Variants in EHHADH observed in about 807,000 individuals in gnomAD.
EHHADH encodes the protein peroxisomal bifunctional enzyme.
EHHADH carries 48 observed loss-of-function variants against 64.4 expected under a neutral mutation model. The observed-to-expected ratio is 0.75, with a 90% CI of 0.59 to 0.95. The LOEUF (loss-of-function observed/expected upper bound fraction) is 0.95, where lower values mean the gene tolerates loss of function less well. EHHADH is among the 40% of genes least tolerant of loss of function. The probability of loss-of-function intolerance (pLI) is 0.00; values close to 1 mark genes in which losing one functional copy is unlikely to be tolerated. For synonymous variants in EHHADH, 308 were observed against 326.7 expected (o/e 0.94, Z 0.62); for missense variants, 854 against 876.6 (o/e 0.97, Z 0.33).
intron 5 of EHHADH, among the ~76,000 whole-genome samples, chr3:185,213,895 GAAAA>G (rs1471957767): frequency 1.4e-5 from 2 of 143,266 alleles, no homozygotes; most frequent in African/African-American, 5.4e-5. Flanking sequence ...AAAAAAAAAA[GAAAA>G]AAAGAAAGAG....
At chr3:185,230,667 T>C (rs1231616100) in intron 3 of EHHADH, among the ~76,000 whole-genome samples, 1 of 101,412 alleles carries the variant, frequency 9.9e-6, no homozygotes, top group African/African-American at 4.0e-5. Flanking sequence ...CGTATGATTC[T>C]GTTTATATGA....
intron 6 of EHHADH, among the ~76,000 whole-genome samples, chr3:185,202,392 C>G (rs1718255390): frequency 6.6e-6 from 1 of 150,724 alleles, no homozygotes; most frequent in South Asian, 2.1e-4. Flanking sequence ...TCAACAGAGT[C>G]AGAGCTGAAA....
At chr3:185,217,370 C>T (rs1339540186) in intron 5 of EHHADH, among the ~76,000 whole-genome samples, 1 of 151,870 alleles carries the variant, frequency 6.6e-6, no homozygotes, top group Non-Finnish European at 1.5e-5. Flanking sequence ...CATAGTGAAA[C>T]CCCGTCTCTA....
intron 6 of EHHADH, among the ~76,000 whole-genome samples, chr3:185,202,366 G>A (rs936544236): frequency 1.3e-5 from 2 of 149,708 alleles, no homozygotes; most frequent in East Asian, 1.9e-4. Flanking sequence ...AATCCCAAGC[G>A]AATCAAGGGT....
rs3732933 is a variant in EHHADH, at chr3:185,193,363, T to C, written c.1035A>G (p.Glu345=). The C allele has an allele frequency of 0.082, 132,124 of 1,614,088 alleles. 5,761 individuals carry two copies. The highest frequency in any genetic ancestry group is 0.12 in the South Asian group (11,366 of 91,052). The change falls in exon 7 of 7, where the codon GAA becomes GAG. Residue 345 remains glutamate (E), a synonymous_variant. Transcript: ENST00000231887. ...TCTGTTGCATTTTGGAGGCTTCTTT[T>C]TCCAAGACAGAGGTTATCATCTTGT... The part of the protein sequence containing the change: ...TANKMITSVL[E]KEASKMQQSG...
intron 3 of EHHADH, among the ~76,000 whole-genome samples, chr3:185,233,203 A>G (rs1382425289): frequency 6.6e-6 from 1 of 152,230 alleles, no homozygotes; most frequent in Non-Finnish European, 1.5e-5. Context: ...TTGTGACAAT[A>G]ATAGCATAAA....
At chr3:185,224,599 T>C (rs1382672764) in intron 4 of EHHADH, among the ~76,000 whole-genome samples, 1 of 151,890 alleles carries the variant, frequency 6.6e-6, no homozygotes, top group African/African-American at 2.4e-5. Flanking sequence ...GTATTAGTAG[T>C]GTATTACTGC....
intron 2 of EHHADH, among the ~76,000 whole-genome samples, chr3:185,238,868 C>A (rs1410818122): frequency 6.6e-6 from 1 of 152,028 alleles, no homozygotes; most frequent in African/African-American, 2.4e-5. Flanking sequence ...CCTAGGCCAA[C>A]GTCCAAAAGA....
In EHHADH at chr3:185,193,038, TG is replaced by T; in HGVS notation, c.1359del (p.Thr454LeufsTer7). 6.2e-7 allele frequency: 1 copy of T among 1,614,176 alleles called. No homozygotes were observed. The highest frequency in any genetic ancestry group is 8.5e-7 in the Non-Finnish European group (1 of 1,180,024). The stretch of plus-strand genomic sequence containing the variant: ...AAGTTCATAACAGTGGCAATGGTAG[TG>T]GGGGAAGAGTATTGGCTGGGAATAA... The part of the protein sequence containing the change: ...LEVIPSQYSS[P>X]TTIATVMNLS... On this transcript the variant is annotated frameshift_variant, in exon 7 of 7. Coordinates refer to ENST00000231887, the MANE Select transcript of EHHADH (RefSeq NM_001966.4). LOFTEE classifies it high-confidence loss of function.
chr3:185,244,850 G>C (rs1217568727), intron 2 of EHHADH, among the ~76,000 whole-genome samples: 1 of 152,202 alleles, frequency 6.6e-6, no homozygotes, highest in Non-Finnish European at 1.5e-5. Flanking sequence ...AGCAATGAGA[G>C]AATAGATTTC....
intron 6 of EHHADH, among the ~76,000 whole-genome samples, chr3:185,195,772 C>A (rs1718041961): frequency 6.6e-6 from 1 of 152,046 alleles, no homozygotes; most frequent in Non-Finnish European, 1.5e-5. Flanking sequence ...ACTGGGGATT[C>A]CAAAAGGGGG....
intron 6 of EHHADH, among the ~76,000 whole-genome samples, chr3:185,200,904 G>A (rs528166006): frequency 3.9e-4 from 60 of 152,252 alleles, no homozygotes; most frequent in African/African-American, 1.3e-3. Flanking sequence ...TTAGGATTTT[G>A]CGGGGAGCAC....
chr3:185,240,071 A>G (rs781173156), intron 2 of EHHADH, among the ~76,000 whole-genome samples: 57 of 152,172 alleles, frequency 3.7e-4, no homozygotes, highest in Admixed American at 7.9e-4. Flanking sequence ...TATCTGGTGA[A>G]TCACAGTTAC....
intron 6 of EHHADH, among the ~76,000 whole-genome samples, chr3:185,194,985 A>G (rs1718022780): frequency 6.6e-6 from 1 of 152,076 alleles, no homozygotes; most frequent in South Asian, 2.1e-4. Context: ...CAGAGAAAGT[A>G]TAGTCTTTTC....
chr3:185,231,828 G>A (rs1163900866), intron 3 of EHHADH, among the ~76,000 whole-genome samples: 1 of 152,174 alleles, frequency 6.6e-6, no homozygotes, highest in African/African-American at 2.4e-5. Context: ...AGGATACAAG[G>A]TTTCTTTTTG....
chr3:185,199,879 G>A (rs1718176699), intron 6 of EHHADH, among the ~76,000 whole-genome samples: 1 of 152,178 alleles, frequency 6.6e-6, no homozygotes, highest in Non-Finnish European at 1.5e-5. Flanking sequence ...CCTAGTGGCT[G>A]CAACTGAGGC....
At position 185,229,526 on chromosome 3, in the gene EHHADH, T is replaced by C. The variant is rs549406336; in HGVS notation, c.369A>G (p.Pro123=). 2 of 1,570,420 alleles carry C rather than the reference T, an allele frequency of 1.3e-6. No homozygotes were observed. Among genetic ancestry groups the C allele is most frequent in the African/African-American group, 1.3e-5 (1 of 74,328 alleles). The change falls in exon 4 of 7, where the codon CCA becomes CCG. Residue 123 remains proline (P), a synonymous_variant. Coordinates refer to ENST00000231887, the MANE Select transcript of EHHADH (RefSeq NM_001966.4). The part of the protein sequence containing the change: ...IAHAEAQVGL[P]EVTLGLLPGA... Reference sequence around the variant, plus strand: ...CAGGGAGAAGTCCCAGTGTAACTTCTGGTAAGCCAACTTGAGCCTATCAAA... The same window carrying C: ...CAGGGAGAAGTCCCAGTGTAACTTCCGGTAAGCCAACTTGAGCCTATCAAA...
rs187256017 is a variant in EHHADH, at chr3:185,229,130, T to G, written c.463+302A>C. On this transcript the variant is annotated intron_variant, in intron 4 of 6. Coordinates refer to ENST00000231887, the MANE Select transcript of EHHADH (RefSeq NM_001966.4). ...ATTTCTAAATTAGTTCTGAATATAA[T>G]GCAGTCTATGTGAACACCAGTGTTG... Among the ~76,000 whole-genome samples, 262 of 152,332 alleles carry G rather than the reference T, an allele frequency of 1.7e-3. 1 individual carries two copies. The highest frequency in any genetic ancestry group is 9.4e-4 in the Non-Finnish European group (64 of 68,034).
intron 5 of EHHADH, among the ~76,000 whole-genome samples, chr3:185,205,768 C>G (rs1328587118): frequency 6.6e-6 from 1 of 152,150 alleles, no homozygotes; most frequent in African/African-American, 2.4e-5. Context: ...GTCACCTTTT[C>G]CAGCTAAATC....
Sources: gnomAD v4.1 joint callset for allele counts (sites outside exome capture counted in the v4.1 genomes callset) on GRCh38, gnomAD v4.1.1 for gene constraint, MANE v1.5 for transcripts, NCBI Gene and HGNC (gene_info 2026-07-23, HGNC 2026-07-21) for gene names.